RHOQ: variants seen among roughly 807,000 people sequenced by gnomAD.
RHOQ encodes the protein ras homolog family member Q, also known as rho-related GTP-binding protein RhoQ.
Under a neutral mutation model 25.8 loss-of-function variants are expected in RHOQ, and 7 were observed. That is an observed-to-expected ratio of 0.27 (90% CI 0.15 to 0.51). The LOEUF (loss-of-function observed/expected upper bound fraction) is 0.51. Among genes scored for constraint, RHOQ ranks in the 20% least tolerant of loss-of-function variants. RHOQ has a pLI of 0.97. For missense variants in RHOQ, 165 were observed against 260.6 expected (o/e 0.63, Z 2.53); for synonymous variants, 97 against 98.6 (o/e 0.98, Z 0.10).
intron 2 of RHOQ, among the ~76,000 whole-genome samples, chr2:46,550,454 C>T (rs1185322343): frequency 6.6e-6 from 1 of 152,198 alleles, no homozygotes; most frequent in East Asian, 1.9e-4. Flanking sequence ...TACACAGGCC[C>T]AGGGGCCTTA....
In RHOQ at chr2:46,576,924, G is replaced by A. The variant is rs2104031424; in HGVS notation, c.462+268G>A. ...GGTTTCAGTCCAAAGCCTGACTCCT[G>A]GGCCGAGACTCTTACACCTTTGCTA... On this transcript the variant is annotated intron_variant, in intron 4 of 4. Transcript: ENST00000238738. The surrounding 1 kb of genome is among the most constrained non-coding windows in gnomAD (Gnocchi z 5.1). 3 of 298,324 alleles carry A rather than the reference G, an allele frequency of 1.0e-5. No homozygotes were observed. The highest frequency in any genetic ancestry group is 2.0e-4 in the South Asian group (2 of 10,248). The allele number at this position is 298,324 out of a possible 1,614,324, so 18.5% of individuals were successfully genotyped here.
At position 46,582,681 on chromosome 2, in the gene RHOQ, C is replaced by T. The variant is rs1669439213; in HGVS notation, c.*1598C>T. 1 of 152,532 alleles carries T rather than the reference C, an allele frequency of 6.6e-6. No individual in the cohort carries two copies. Among genetic ancestry groups the T allele is most frequent in the Admixed American group, 6.5e-5 (1 of 15,270 alleles). The allele number at this position is 152,532 out of a possible 1,614,324, so 9.4% of individuals were successfully genotyped here. A position where few individuals can be genotyped will look rare whatever the true frequency, so the allele number is the denominator to read the frequency against. On this transcript the variant is annotated 3_prime_UTR_variant, in exon 5 of 5. Transcript: ENST00000238738. ...TAATTCACATGACTTGAGCTTATAG[C>T]TATGTCTACTGCACAGATTGGGTAA...
chr2:46,554,852 T>A (rs1179434968), intron 2 of RHOQ, among the ~76,000 whole-genome samples: 1 of 151,690 alleles, frequency 6.6e-6, no homozygotes, highest in East Asian at 1.9e-4. Flanking sequence ...AATGGCATAA[T>A]GGTTGGGATT....
chr2:46,581,241 T>C lies in RHOQ; in HGVS notation c.*158T>C, dbSNP rs1319666609. ...ATTCTATAAAGTGTATTAAGAATGT[T>C]CCTTAAAGGTTTAAGAAGCAGTAAG... On this transcript the variant is annotated 3_prime_UTR_variant, in exon 5 of 5. Coordinates refer to ENST00000238738, the MANE Select transcript of RHOQ (RefSeq NM_012249.4). 1 of 995,234 alleles carries C rather than the reference T, an allele frequency of 1.0e-6. No individual in the cohort carries two copies. Among genetic ancestry groups the C allele is most frequent in the Non-Finnish European group, 1.4e-6 (1 of 691,336 alleles). 61.7% of individuals were successfully genotyped at this position (995,234 alleles called of 1,614,324 possible).
At chr2:46,557,085 A>G (rs1458978173) in intron 2 of RHOQ, among the ~76,000 whole-genome samples, 1 of 152,216 alleles carries the variant, frequency 6.6e-6, no homozygotes, top group Admixed American at 6.5e-5. Flanking sequence ...TTGTTTTTCA[A>G]CCTATCAAGT....
chr2:46,571,134 A>T (rs1235738921), intron 2 of RHOQ, among the ~76,000 whole-genome samples: 3 of 152,228 alleles, frequency 2.0e-5, no homozygotes, highest in Non-Finnish European at 2.9e-5. Flanking sequence ...TGCCTCTTCC[A>T]AGAGGTCTTT....
At chr2:46,549,443 C>T (rs958568363) in intron 2 of RHOQ, among the ~76,000 whole-genome samples, 2 of 152,138 alleles carry the variant, frequency 1.3e-5, no homozygotes, top group East Asian at 3.9e-4. Context: ...CAAAGTAGCT[C>T]TCCACGGGGG....
intron 2 of RHOQ, among the ~76,000 whole-genome samples, chr2:46,574,829 G>A (rs1219121281): frequency 6.6e-6 from 1 of 152,160 alleles, no homozygotes; most frequent in African/African-American, 2.4e-5. Context: ...TTCCATGAGG[G>A]AAATACTACT....
At position 46,555,044 on chromosome 2, in the gene RHOQ, G is replaced by C. The variant is rs1668368167; in HGVS notation, c.201+11232G>C. On this transcript the variant is annotated intron_variant, in intron 2 of 4. Coordinates refer to ENST00000238738, the MANE Select transcript of RHOQ (RefSeq NM_012249.4). The surrounding 1 kb of genome is among the most constrained non-coding windows in gnomAD (Gnocchi z 4.3). ...CAGCCTCCTTGGCCCTGGAGGAATG[G>C]GGAAGGGACTGGACACGAGGAGGGA... is the stretch of plus-strand genomic sequence containing the variant. 6.6e-6 allele frequency among the ~76,000 whole-genome samples: 1 copy of C among 152,232 alleles called. No individual in the cohort carries two copies. Among genetic ancestry groups the C allele is most frequent in the Non-Finnish European group, 1.5e-5 (1 of 68,028 alleles).
Position 46,573,086 on chromosome 2 carries a change from C to G in RHOQ, c.202-3001C>G, listed in dbSNP as rs892587265. ...GCCGATTTTTTTTTTTTTTTTGAGA[C>G]GGAGTTTAGCTCTGTTGCCCAGGCT... On this transcript the variant is annotated intron_variant, in intron 2 of 4. Transcript: ENST00000238738. Among the ~76,000 whole-genome samples, 5 of 145,580 alleles carry G rather than the reference C, an allele frequency of 3.4e-5. No individual in the cohort carries two copies. The Admixed American group carries it at 3.5e-4, about 10-fold the overall frequency.
chr2:46,577,583 T>G (rs1669177918), intron 4 of RHOQ, among the ~76,000 whole-genome samples: 1 of 144,752 alleles, frequency 6.9e-6, no homozygotes, highest in Non-Finnish European at 1.5e-5. Context: ...TTTTTTTTTT[T>G]TTTTTTCATT....
In RHOQ at chr2:46,552,368, G is replaced by T. The variant is rs1668270811; in HGVS notation, c.201+8556G>T. Reference sequence around the variant, plus strand: ...CTGTGGCCCCTTCCCAGAAGAGAGGGACAGGGAAATGCTGTTTGGGGGGCT... The same window carrying T: ...CTGTGGCCCCTTCCCAGAAGAGAGGTACAGGGAAATGCTGTTTGGGGGGCT... On this transcript the variant is annotated intron_variant, in intron 2 of 4. Transcript: ENST00000238738. This position sits in a 1 kb window ranked among gnomAD's most constrained non-coding sequence, Gnocchi z 5.0. 6.6e-6 allele frequency among the ~76,000 whole-genome samples: 1 copy of T among 152,212 alleles called. No homozygotes were observed. The highest frequency in any genetic ancestry group is 1.5e-5 in the Non-Finnish European group (1 of 68,028).
At chr2:46,579,443 T>C (rs1216799419) in intron 4 of RHOQ, among the ~76,000 whole-genome samples, 2 of 152,196 alleles carry the variant, frequency 1.3e-5, no homozygotes, top group African/African-American at 4.8e-5. Flanking sequence ...CTCAATTTGG[T>C]TATCCAGCTG....
rs1668383843 is a variant in RHOQ, at chr2:46,555,446, T to C, written c.201+11634T>C. Among the ~76,000 whole-genome samples, 1 of 152,160 alleles carries C rather than the reference T, an allele frequency of 6.6e-6. No individual in the cohort carries two copies. The highest frequency in any genetic ancestry group is 2.1e-4 in the South Asian group (1 of 4,826). ...ATTTAGGGGAGTCTGGTGGTAAGATTATTATGGAAAGAACCTTTCCCATCA... is the reference window on the plus strand; with the variant it reads ...ATTTAGGGGAGTCTGGTGGTAAGATCATTATGGAAAGAACCTTTCCCATCA... On this transcript the variant is annotated intron_variant, in intron 2 of 4. Coordinates refer to ENST00000238738, the MANE Select transcript of RHOQ (RefSeq NM_012249.4). This position sits in a 1 kb window ranked among gnomAD's most constrained non-coding sequence, Gnocchi z 4.3.
chr2:46,576,723 T>A lies in RHOQ; in HGVS notation c.462+67T>A. On this transcript the variant is annotated intron_variant, in intron 4 of 4. Transcript: ENST00000238738. The surrounding 1 kb of genome is among the most constrained non-coding windows in gnomAD (Gnocchi z 5.1). Reference sequence around the variant, plus strand: ...TGCTAAGATAACAATAGAAGCTAATTTTATTGTGTATTTACTGTGTGCCAG... The same window carrying A: ...TGCTAAGATAACAATAGAAGCTAATATTATTGTGTATTTACTGTGTGCCAG... 1 of 1,112,496 alleles carries A rather than the reference T, an allele frequency of 9.0e-7. No homozygotes were observed. The highest frequency in any genetic ancestry group is 1.4e-5 in the South Asian group (1 of 72,012). The allele number at this position is 1,112,496 out of a possible 1,614,324, so 68.9% of individuals were successfully genotyped here. A position where few individuals can be genotyped will look rare whatever the true frequency, so the allele number is the denominator to read the frequency against.
intron 2 of RHOQ, among the ~76,000 whole-genome samples, chr2:46,562,071 G>A (rs1015652618): frequency 1.3e-5 from 2 of 152,138 alleles, no homozygotes; most frequent in African/African-American, 4.8e-5. Context: ...CCCAAACGAT[G>A]GAGCACAGGC....
chr2:46,577,605 T>C (rs1669180157), intron 4 of RHOQ, among the ~76,000 whole-genome samples: 2 of 138,002 alleles, frequency 1.4e-5, no homozygotes, highest in Non-Finnish European at 3.1e-5. Flanking sequence ...TTAGTGGAGA[T>C]GGGGTTTTAC....
rs1668725406 is a variant in RHOQ at position 46,566,182 on chromosome 2, G to A, written c.202-9905G>A. On this transcript the variant is annotated intron_variant, in intron 2 of 4. Coordinates refer to ENST00000238738, the MANE Select transcript of RHOQ (RefSeq NM_012249.4). The surrounding 1 kb of genome is among the most constrained non-coding windows in gnomAD (Gnocchi z 4.2). The stretch of plus-strand genomic sequence containing the variant: ...TTCTAGTGAGATGGTGAATACAGGA[G>A]GAGTTGCAGTTTTGATTGGGAAGAA... Among the ~76,000 whole-genome samples the A allele has an allele frequency of 6.6e-6, 1 of 152,166 alleles. No homozygotes were observed.
chr2:46,543,357 C>T, intron 1 of RHOQ, 169 bp downstream of exon 1: 1 of 688,090 alleles, frequency 1.5e-6, no homozygotes, highest in Non-Finnish European at 2.5e-6. Flanking sequence ...CCTGGCAACC[C>T]CTCGCCCGCT....
Sources: allele counts gnomAD v4.1 joint callset (sites outside exome capture counted in the v4.1 genomes callset), GRCh38; gene constraint gnomAD v4.1.1; non-coding constraint Gnocchi (gnomAD v3.1); transcripts MANE v1.5; gene names NCBI Gene and HGNC (gene_info 2026-07-23, HGNC 2026-07-21).